The following APOL5 variants were observed in gnomAD, a reference collection of about 807,000 sequenced individuals.
APOL5 encodes the protein apolipoprotein L5, also known as apolipoprotein L, 5.
Under a neutral mutation model 35.5 loss-of-function variants are expected in APOL5, and 29 were observed. The observed-to-expected ratio is 0.82, with a 90% CI of 0.61 to 1.11. The LOEUF is 1.11. Ranked by LOEUF, APOL5 falls within the 50% of genes most tolerant of loss-of-function variation. The pLI is 0.00. For synonymous variants in APOL5, 188 were observed against 200.2 expected, an observed-to-expected ratio of 0.94 and a Z score of 0.51; for missense variants, 514 against 530.4, an observed-to-expected ratio of 0.97 and a Z score of 0.30.
chr22:35,715,917 A>G (rs1926729752), upstream of APOL5, among the ~76,000 whole-genome samples: 1 of 152,218 alleles, frequency 6.6e-6, no homozygotes. Flanking sequence ...GAATGCCTAA[A>G]ATAATGGGAC....
chr22:35,724,677 C>T (rs991462518), intron 2 of APOL5, among the ~76,000 whole-genome samples: 3 of 151,986 alleles, frequency 2.0e-5, no homozygotes, highest in Admixed American at 2.0e-4. Context: ...GGCGCGATCT[C>T]GGCTCACTGC....
At position 35,726,501 on chromosome 22, in the gene APOL5, G is replaced by A. The variant is rs141273692; in HGVS notation, c.433G>A (p.Gly145Arg). 10 of 1,614,042 alleles carry A rather than the reference G, an allele frequency of 6.2e-6. No homozygotes were observed. Among genetic ancestry groups the A allele is most frequent in the Admixed American group, 5.0e-5 (3 of 60,002 alleles). Reference sequence around the variant, plus strand: ...GACCAGCCTGGTGGCCAGCTCTTCCGGGGCTGTTTCTGGGGTCATGAACAT... The same window carrying A: ...GACCAGCCTGGTGGCCAGCTCTTCCAGGGCTGTTTCTGGGGTCATGAACAT... ...TKTSLVASSS[G>R]AVSGVMNILG... Residue 145 changes from glycine to arginine, a missense_variant, in exon 3 of 5, where the codon GGG (glycine) becomes AGG (arginine). Physicochemically the swap from Gly to Arg is moderately radical, Grantham distance 125 (BLOSUM62 -2). This residue lies in a region of APOL5 where 254 missense variants were observed against 254.7 expected (regional missense o/e 1.00). Coordinates refer to ENST00000249044, the MANE Select transcript of APOL5 (RefSeq NM_030642.1).
chr22:35,719,703 G>A lies in APOL5; in HGVS notation c.56-865G>A, dbSNP rs180694175. Among the ~76,000 whole-genome samples the A allele has an allele frequency of 1.7e-3, 261 of 151,276 alleles. 8 individuals are homozygous for A. The South Asian group carries it at 0.05, about 29-fold the overall frequency. Reference sequence around the variant, plus strand: ...TGCGGACCGGCAGGTCTTGGGGAGCGTGGGCTCCGACCCCACAGCAGCCCC... The same window carrying A: ...TGCGGACCGGCAGGTCTTGGGGAGCATGGGCTCCGACCCCACAGCAGCCCC... On this transcript the variant is annotated intron_variant, in intron 1 of 4. Coordinates refer to ENST00000249044, the MANE Select transcript of APOL5 (RefSeq NM_030642.1).
chr22:35,720,010 G>A (rs527485098), intron 1 of APOL5, among the ~76,000 whole-genome samples: 10 of 152,346 alleles, frequency 6.6e-5, no homozygotes, highest in African/African-American at 2.4e-4. Flanking sequence ...ATGTCATTCA[G>A]CCGTGGATGA....
intron 3 of APOL5, 146 bp from the exon 4 acceptor site, chr22:35,728,577 G>A: frequency 1.1e-6 from 1 of 885,244 alleles, no homozygotes; most frequent in Non-Finnish European, 1.7e-6. Flanking sequence ...GCCAAGTTTG[G>A]GACCCACTGC....
At position 35,720,558 on chromosome 22, in the gene APOL5, C is replaced by T. The variant is rs1285054353; in HGVS notation, c.56-10C>T. The T allele has an allele frequency of 6.2e-7, 1 of 1,613,546 alleles. No homozygotes were observed. Among genetic ancestry groups the T allele is most frequent in the Non-Finnish European group, 8.5e-7 (1 of 1,179,688 alleles). ...AAGAAGAAATGTCCCTGATCCTTGT[C>T]CATCTCCAGGCTTGGGAGAAGGTTG... On this transcript the variant is annotated splice_polypyrimidine_tract_variant and intron_variant, in intron 1 of 4. Transcript: ENST00000249044.
At position 35,723,765 on chromosome 22, in the gene APOL5, C is replaced by A. The variant is rs555306677; in HGVS notation, c.143-2446C>A. 3.6e-3 allele frequency among the ~76,000 whole-genome samples: 554 copies of A among 152,314 alleles called. 1 individual carries two copies. The highest frequency in any genetic ancestry group is 0.013 in the African/African-American group (536 of 41,570). On this transcript the variant is annotated intron_variant, in intron 2 of 4. Transcript: ENST00000249044. ...TCACTTGAGGTCAGGAGTTGGAGAGCAGCCTGGCCAACATGGCAAAACCCT... is the reference window on the plus strand; with the variant it reads ...TCACTTGAGGTCAGGAGTTGGAGAGAAGCCTGGCCAACATGGCAAAACCCT...
rs572416546 is a variant in APOL5 at position 35,726,433 on chromosome 22, C to T, written c.365C>T (p.Thr122Ile). The T allele has an allele frequency of 7.4e-5, 119 of 1,614,174 alleles. No homozygotes were observed. The highest frequency in any genetic ancestry group is 3.6e-4 in the East Asian group (16 of 44,874). The change falls in exon 3 of 5, where the codon ACC (threonine) becomes ATC (isoleucine). Residue 122 changes from threonine (T) to isoleucine (I), a missense_variant. By Grantham distance (89) the Thr-to-Ile change is moderately conservative (BLOSUM62 -1). Coordinates refer to ENST00000249044, the MANE Select transcript of APOL5 (RefSeq NM_030642.1). Reference sequence around the variant, plus strand: ...GAACAGAACATCAAAGAACTTAACACCCTTGCGGACCAAGTTGACACCACT... The same window carrying T: ...GAACAGAACATCAAAGAACTTAACATCCTTGCGGACCAAGTTGACACCACT... ...ELEQNIKELN[T>I]LADQVDTTHE...
chr22:35,720,793 T>A (rs1926945310), intron 2 of APOL5, 139 bp downstream of exon 2: 1 of 614,574 alleles, frequency 1.6e-6, no homozygotes, highest in Non-Finnish European at 2.8e-6. Flanking sequence ...TTGCCCAGGT[T>A]GGAGTGCAGT....
At chr22:35,708,600 A>G in the APOL5 span, among the ~76,000 whole-genome samples, 101,748 of 151,978 alleles carry the variant, frequency 0.67, 34,564 homozygotes, top group African/African-American at 0.76. Flanking sequence ...CTTCACAAAC[A>G]TCGCTTGGAT....
At chr22:35,722,887 G>A (rs1238279872) in intron 2 of APOL5, among the ~76,000 whole-genome samples, 3 of 152,078 alleles carry the variant, frequency 2.0e-5, no homozygotes, top group Non-Finnish European at 4.4e-5. Context: ...TGTACAAGGC[G>A]ATCTGGAAGG....
At position 35,717,919 on chromosome 22, in the gene APOL5, G is replaced by T; in HGVS notation, c.48G>T (p.Val16=). 6.3e-7 allele frequency: 1 copy of T among 1,589,136 alleles called. No homozygotes were observed. The change falls in exon 1 of 5, where the codon GTG becomes GTT. Residue 16 remains valine, a synonymous_variant. Transcript: ENST00000249044. ...QGNLQVPGSK[V]LPGLGEGCKE... is the part of the protein sequence containing the mutation. ...ATTTGCAAGTTCCCGGTTCCAAGGT[G>T]TTACCTGGTAAGTTCTTTTAAGCTT... is the stretch of plus-strand genomic sequence containing the variant.
At chr22:35,728,220 T>C (rs1013888502) in intron 3 of APOL5, among the ~76,000 whole-genome samples, 1 of 152,218 alleles carries the variant, frequency 6.6e-6, no homozygotes, top group Non-Finnish European at 1.5e-5. Context: ...ACCTTTTTTT[T>C]GTTTTTTATT....
chr22:35,726,224 CCT>C lies in APOL5; in HGVS notation c.157_158del (p.Leu53ValfsTer7). The C allele has an allele frequency of 6.2e-7, 1 of 1,610,100 alleles. No homozygotes were observed. The highest frequency in any genetic ancestry group is 8.5e-7 in the Non-Finnish European group (1 of 1,176,534). On this transcript the variant is annotated frameshift_variant, in exon 3 of 5. Transcript: ENST00000249044. LOFTEE classifies it high-confidence loss of function. ...AGATGTCTTTAGCCTCACTCGTGAACCTGTGCCAGAGTTGGAAAATTAACAAT... is the reference window on the plus strand; with the variant it reads ...AGATGTCTTTAGCCTCACTCGTGAACGTGCCAGAGTTGGAAAATTAACAAT... Reference protein sequence around the residue: ...PEPEFPSLVNLCQSWKINNLM... With the variant: ...PEPEFPSLVNXCQSWKINNLM...
At chr22:35,720,999 G>A (rs913876253) in intron 2 of APOL5, among the ~76,000 whole-genome samples, 2 of 152,054 alleles carry the variant, frequency 1.3e-5, no homozygotes, top group African/African-American at 2.4e-5. Context: ...ACCCGCCTCG[G>A]CCTCCCAATG....
intron 1 of APOL5, 129 bp from the exon 2 acceptor site, chr22:35,720,439 G>A: frequency 3.1e-6 from 2 of 654,756 alleles, no homozygotes; most frequent in Non-Finnish European, 5.1e-6. Flanking sequence ...TAAGATTTTT[G>A]TTGTATTCTT....
chr22:35,727,492 A>G (rs950855568), intron 3 of APOL5, among the ~76,000 whole-genome samples: 1 of 152,160 alleles, frequency 6.6e-6, no homozygotes, highest in Non-Finnish European at 1.5e-5. Context: ...AGGCTCTGGC[A>G]GGGAAGGATA....
At chr22:35,721,541 A>AT (rs1926971695) in intron 2 of APOL5, among the ~76,000 whole-genome samples, 2 of 80,962 alleles carry the variant, frequency 2.5e-5, no homozygotes, top group Admixed American at 2.0e-4. Flanking sequence ...GCAGGGCTTC[A>AT]TTTAAAAAAA....
upstream of APOL5, among the ~76,000 whole-genome samples, chr22:35,713,582 C>T (rs1453186586): frequency 6.6e-6 from 1 of 152,210 alleles, no homozygotes; most frequent in African/African-American, 2.4e-5. Context: ...CGCCCCGCCA[C>T]TCATCGCCTC....
Sources: gnomAD v4.1 joint callset for allele counts (sites outside exome capture counted in the v4.1 genomes callset) on GRCh38, gnomAD v4.1.1 for gene constraint, gnomAD v4.1.1 regional missense constraint, MANE v1.5 for transcripts, NCBI Gene and HGNC (gene_info 2026-07-23, HGNC 2026-07-21) for gene names.